TSGA10: variants seen among roughly 807,000 people sequenced by gnomAD.
The protein encoded by TSGA10 is testis specific 10.
Under a neutral mutation model 96.6 loss-of-function variants are expected in TSGA10, and 43 were observed. The ratio of observed to expected loss-of-function variants is 0.44; its 90% CI spans 0.35 to 0.57. The LOEUF is 0.57. Ranked by LOEUF, TSGA10 falls within the 20% of genes least tolerant of loss-of-function variation. TSGA10 has a pLI of 0.01. For synonymous variants in TSGA10, 229 were observed against 269.9 expected (o/e 0.85, Z 1.48); for missense variants, 703 against 834.4 (o/e 0.84, Z 1.94).
intron 20 of TSGA10, among the ~76,000 whole-genome samples, chr2:99,000,918 G>T (rs2077839853): frequency 6.6e-6 from 1 of 152,198 alleles, no homozygotes; most frequent in Admixed American, 6.5e-5. Flanking sequence ...GCAAGGCTGG[G>T]AGAGGGGCAT....
Position 99,101,535 on chromosome 2 carries a change from T to C in TSGA10, c.611+2432A>G, listed in dbSNP as rs545856733. ...AAGTAGAAAAAAATAATTTGTAAACTTGAAGGCAGGTCATTAGAAAATACC... is the reference window on the plus strand; with the variant it reads ...AAGTAGAAAAAAATAATTTGTAAACCTGAAGGCAGGTCATTAGAAAATACC... On this transcript the variant is annotated intron_variant, in intron 10 of 20. Coordinates refer to ENST00000393483, the MANE Select transcript of TSGA10 (RefSeq NM_025244.4). 3.3e-5 allele frequency among the ~76,000 whole-genome samples: 5 copies of C among 151,516 alleles called. No homozygotes were observed. In the East Asian group the frequency reaches 5.8e-4, roughly 18 times the overall value.
At chr2:99,039,211 C>T (rs1361535564) in intron 16 of TSGA10, among the ~76,000 whole-genome samples, 3 of 151,216 alleles carry the variant, frequency 2.0e-5, no homozygotes, top group Non-Finnish European at 2.9e-5. Context: ...TCTAAGGTCA[C>T]ACCTCAAGGA....
At chr2:99,024,712 C>T (rs552543193) in intron 17 of TSGA10, among the ~76,000 whole-genome samples, 48 of 152,110 alleles carry the variant, frequency 3.2e-4, no homozygotes, top group Non-Finnish European at 6.6e-4. Flanking sequence ...GGTGGGCATT[C>T]TTGTCTTGAT....
intron 20 of TSGA10, among the ~76,000 whole-genome samples, chr2:99,000,510 T>TAAAAA (rs71013451): frequency 8.0e-6 from 1 of 124,448 alleles, no homozygotes; most frequent in South Asian, 2.6e-4. Context: ...AACTCTGACT[T>TAAAAA]AAAAAAAAAA....
intron 10 of TSGA10, among the ~76,000 whole-genome samples, chr2:99,085,407 C>A (rs2088149028): frequency 6.6e-6 from 1 of 151,656 alleles, no homozygotes; most frequent in Non-Finnish European, 1.5e-5. Flanking sequence ...GAGATCAAGA[C>A]CAGCCTGGGC....
At chr2:99,090,915 C>T (rs2089246925) in intron 10 of TSGA10, among the ~76,000 whole-genome samples, 1 of 152,132 alleles carries the variant, frequency 6.6e-6, no homozygotes. Context: ...ATACAAGAAG[C>T]TCAAAGAACA....
At chr2:98,998,571 GA>G (rs889452941) in intron 20 of TSGA10, among the ~76,000 whole-genome samples, 5 of 152,182 alleles carry the variant, frequency 3.3e-5, no homozygotes, top group Non-Finnish European at 7.3e-5. Context: ...AGGAGACAGG[GA>G]GATGAAGAAG....
intron 15 of TSGA10, among the ~76,000 whole-genome samples, chr2:99,065,785 A>G (rs1235239957): frequency 2.0e-5 from 3 of 152,236 alleles, no homozygotes; most frequent in African/African-American, 7.2e-5. Flanking sequence ...GTAAATATGC[A>G]TTCATGTATA....
At chr2:98,998,542 G>A (rs949254530) in intron 20 of TSGA10, among the ~76,000 whole-genome samples, 5 of 152,164 alleles carry the variant, frequency 3.3e-5, no homozygotes, top group African/African-American at 9.7e-5. Context: ...TAGAGATGGC[G>A]AAGAAAGTAG....
intron 15 of TSGA10, among the ~76,000 whole-genome samples, chr2:99,068,453 T>C (rs1352911483): frequency 2.0e-5 from 3 of 152,154 alleles, no homozygotes; most frequent in African/African-American, 4.8e-5. Context: ...GGTCAAATGA[T>C]TGCTAACAGA....
chr2:99,130,197 G>A (rs140453213), intron 1 of TSGA10, among the ~76,000 whole-genome samples: 2,387 of 152,224 alleles, frequency 0.016, 51 homozygotes, highest in African/African-American at 0.053. Flanking sequence ...GATCCCTGAG[G>A]AATCGCCACA....
intron 16 of TSGA10, among the ~76,000 whole-genome samples, chr2:99,054,403 G>C (rs1034705374): frequency 2.0e-5 from 3 of 152,106 alleles, no homozygotes; most frequent in Admixed American, 6.6e-5. Flanking sequence ...ACCTGAAACG[G>C]TAAAACTGCT....
chr2:99,072,143 G>T (rs903514160), intron 13 of TSGA10, among the ~76,000 whole-genome samples: 4 of 152,122 alleles, frequency 2.6e-5, no homozygotes, highest in African/African-American at 9.7e-5. Context: ...TATTAGGAAG[G>T]CTTTCATCCT....
intron 16 of TSGA10, among the ~76,000 whole-genome samples, chr2:99,047,207 T>C (rs1187335933): frequency 6.6e-6 from 1 of 152,210 alleles, no homozygotes; most frequent in Non-Finnish European, 1.5e-5. Context: ...GAGGGAATCC[T>C]CCTTAACTCA....
chr2:99,013,496 C>A (rs1490286746), intron 20 of TSGA10, among the ~76,000 whole-genome samples: 1 of 151,730 alleles, frequency 6.6e-6, no homozygotes, highest in Non-Finnish European at 1.5e-5. Flanking sequence ...CCACGCCCGG[C>A]TAATTTTTTG....
chr2:99,021,188 T>C (rs2079974705), intron 17 of TSGA10, among the ~76,000 whole-genome samples: 2 of 151,766 alleles, frequency 1.3e-5, no homozygotes, highest in Non-Finnish European at 2.9e-5. Context: ...TTTGAAAAGG[T>C]AAGCTTTAAA....
chr2:99,115,572 C>T (rs554860875), intron 4 of TSGA10, among the ~76,000 whole-genome samples: 13 of 151,880 alleles, frequency 8.6e-5, no homozygotes, highest in Admixed American at 5.9e-4. Flanking sequence ...AGTAATAACT[C>T]GTGTATTTAA....
chr2:99,052,372 T>C (rs6542859), intron 16 of TSGA10, among the ~76,000 whole-genome samples: 147,968 of 152,220 alleles, frequency 0.97, 71,981 homozygotes, highest in Middle Eastern at 1. Flanking sequence ...AGGAAAAGAA[T>C]AATTCCTAGA....
intron 10 of TSGA10, among the ~76,000 whole-genome samples, chr2:99,093,300 C>T (rs950753471): frequency 1.8e-4 from 28 of 152,002 alleles, no homozygotes; most frequent in South Asian, 6.2e-4. Flanking sequence ...CAATATAATA[C>T]GAAACAGGGA....
Sources: gnomAD v4.1 joint callset for allele counts (sites outside exome capture counted in the v4.1 genomes callset) on GRCh38, gnomAD v4.1.1 for gene constraint, MANE v1.5 for transcripts, NCBI Gene and HGNC (gene_info 2026-07-23, HGNC 2026-07-21) for gene names.